The following ITGAV variants were observed in gnomAD, a reference collection of about 807,000 sequenced individuals.
The protein encoded by ITGAV is integrin alpha-V.
Under a neutral mutation model 143.8 loss-of-function variants are expected in ITGAV, and 76 were observed. That is an observed-to-expected ratio of 0.53 (90% CI 0.44 to 0.64). ITGAV has a LOEUF of 0.64. Ranked by LOEUF, ITGAV falls within the 30% of genes least tolerant of loss-of-function variation. ITGAV has a pLI of 0.00. For missense variants in ITGAV, 1,193 were observed against 1,274.7 expected (o/e 0.94, Z 0.98); for synonymous variants, 453 against 446.7 (o/e 1.01, Z -0.18).
At chr2:186,661,556 C>A (rs1688744912) in intron 18 of ITGAV, among the ~76,000 whole-genome samples, 1 of 150,158 alleles carries the variant, frequency 6.7e-6, no homozygotes, top group Admixed American at 6.6e-5. Context: ...TTTTTTCTCT[C>A]ATTTTTTTCA....
chr2:186,663,744 G>C, intron 18 of ITGAV, 24 bp from the exon 19 acceptor site: 1 of 1,583,700 alleles, frequency 6.3e-7, no homozygotes, highest in Non-Finnish European at 8.7e-7. Flanking sequence ...TTTTCATGTA[G>C]AAAAATAAAA....
intron 1 of ITGAV, among the ~76,000 whole-genome samples, chr2:186,594,035 A>G (rs1053959383): frequency 1.3e-5 from 2 of 152,132 alleles, no homozygotes; most frequent in Non-Finnish European, 2.9e-5. Flanking sequence ...ACAGTTGGCA[A>G]TGTGTAGATG....
chr2:186,601,866 A>G (rs894497322), intron 1 of ITGAV, among the ~76,000 whole-genome samples, 155 bp from the exon 2 acceptor site: 1 of 152,260 alleles, frequency 6.6e-6, no homozygotes, highest in African/African-American at 2.4e-5. Flanking sequence ...AGAGACTACC[A>G]AATGAATAAT....
intron 2 of ITGAV, among the ~76,000 whole-genome samples, chr2:186,613,396 C>A (rs1687270963): frequency 6.6e-6 from 1 of 152,092 alleles, no homozygotes; most frequent in Non-Finnish European, 1.5e-5. Context: ...CAATGAATAC[C>A]AATCCCAGTG....
intron 12 of ITGAV, among the ~76,000 whole-genome samples, chr2:186,644,153 A>G (rs1408882174): frequency 6.6e-6 from 1 of 152,010 alleles, no homozygotes; most frequent in East Asian, 1.9e-4. Context: ...CATGTTGCCA[A>G]AACTGGTCTC....
Position 186,669,750 on chromosome 2 carries a change from G to T in ITGAV, c.2642G>T (p.Gly881Val). The change falls in exon 26 of 30, where the codon GGT becomes GTT. Residue 881 changes from glycine (G) to valine (V), a missense_variant. Coordinates refer to ENST00000261023, the MANE Select transcript of ITGAV (RefSeq NM_002210.5). ...AAGAATGACACGGTTGCCGGGCAAG[G>T]TGAGCGGGACCATCTCATCACTAAG... ...TEKNDTVAGQ[G>V]ERDHLITKRD... 1 of 1,614,142 alleles carries T rather than the reference G, an allele frequency of 6.2e-7. No individual in the cohort carries two copies. The highest frequency in any genetic ancestry group is 8.5e-7 in the Non-Finnish European group (1 of 1,180,012).
At chr2:186,659,264 C>T (rs923311476) in intron 18 of ITGAV, 89 bp downstream of exon 18, 6 of 863,928 alleles carry the variant, frequency 6.9e-6, no homozygotes, top group Non-Finnish European at 9.7e-6. Flanking sequence ...TTTCCTTTAT[C>T]ATATTGATAG....
At chr2:186,596,290 A>C (rs566843063) in intron 1 of ITGAV, among the ~76,000 whole-genome samples, 2 of 152,214 alleles carry the variant, frequency 1.3e-5, no homozygotes, top group Non-Finnish European at 2.9e-5. Flanking sequence ...TGTTTCCATT[A>C]GATAGTGCTG....
chr2:186,665,108 T>C lies in ITGAV; in HGVS notation c.2074-18T>C. ...TCCTTTCATATCCATTTTTTTTTTT[T>C]TTTTTGGTCTATCAAAGGCCTTAGC... On this transcript the variant is annotated intron_variant, in intron 20 of 29. Coordinates refer to ENST00000261023, the MANE Select transcript of ITGAV (RefSeq NM_002210.5). The C allele has an allele frequency of 6.9e-7, 1 of 1,444,876 alleles. No homozygotes were observed. The highest frequency in any genetic ancestry group is 9.4e-7 in the Non-Finnish European group (1 of 1,059,348). The allele number at this position is 1,444,876 out of a possible 1,614,324, so 89.5% of individuals were successfully genotyped here.
At chr2:186,617,238 A>T (rs1182026346) in intron 2 of ITGAV, among the ~76,000 whole-genome samples, 1 of 152,176 alleles carries the variant, frequency 6.6e-6, no homozygotes, top group Admixed American at 6.5e-5. Flanking sequence ...GTTCCAAGGG[A>T]TATTCTTTTG....
At chr2:186,610,943 A>G (rs897356447) in intron 2 of ITGAV, among the ~76,000 whole-genome samples, 2 of 152,024 alleles carry the variant, frequency 1.3e-5, no homozygotes, top group Admixed American at 6.5e-5. Flanking sequence ...TCCTGTTGCT[A>G]TTGTCGTAAG....
chr2:186,641,602 T>G lies in ITGAV; in HGVS notation c.1159+14T>G, dbSNP rs1688105829. ...ATGGTTTCAATGGTAAGATCAAAGTTTAGCAGCTACAGGTCCCTGATTATC... is the reference window on the plus strand; with the variant it reads ...ATGGTTTCAATGGTAAGATCAAAGTGTAGCAGCTACAGGTCCCTGATTATC... On this transcript the variant is annotated intron_variant, in intron 12 of 29. Transcript: ENST00000261023. 9.3e-6 allele frequency: 15 copies of G among 1,609,496 alleles called. No homozygotes were observed. Among genetic ancestry groups the G allele is most frequent in the Admixed American group, 1.7e-5 (1 of 59,986 alleles).
chr2:186,606,283 G>A (rs929806268), intron 2 of ITGAV, among the ~76,000 whole-genome samples: 2 of 152,120 alleles, frequency 1.3e-5, no homozygotes, highest in Admixed American at 6.5e-5. Flanking sequence ...GCAGATATGT[G>A]GGGTTTCTGA....
chr2:186,616,638 C>T lies in ITGAV; in HGVS notation c.317-5701C>T, dbSNP rs191688372. On this transcript the variant is annotated intron_variant, in intron 2 of 29. Transcript: ENST00000261023. ...ATAAATGCATGATAACAGTAGTTGT[C>T]TGACCTCCAAATCATTTTCTCTCAA... 2.0e-3 allele frequency among the ~76,000 whole-genome samples: 309 copies of T among 152,278 alleles called. 1 individual carries two copies. Among genetic ancestry groups the T allele is most frequent in the Non-Finnish European group, 3.3e-3 (227 of 68,010 alleles).
intron 2 of ITGAV, among the ~76,000 whole-genome samples, chr2:186,612,266 A>G (rs1044832011): frequency 2.4e-4 from 37 of 151,746 alleles, no homozygotes; most frequent in African/African-American, 7.7e-4. Context: ...TTTTTTTTCC[A>G]CCCAAAAAGA....
chr2:186,654,550 A>G, intron 15 of ITGAV, 100 bp from the exon 16 acceptor site: 1 of 589,690 alleles, frequency 1.7e-6, no homozygotes, highest in Non-Finnish European at 3.0e-6. Context: ...GTAAGGCTTC[A>G]CAATACAAAC....
At chr2:186,658,282 G>C (rs1688644934) in intron 17 of ITGAV, among the ~76,000 whole-genome samples, 1 of 152,038 alleles carries the variant, frequency 6.6e-6, no homozygotes, top group South Asian at 2.1e-4. Flanking sequence ...TAAGAAGCAA[G>C]ACAAATACCC....
Position 186,668,781 on chromosome 2 carries a change from G to T in ITGAV, c.2453G>T (p.Ser818Ile). 1 of 1,613,404 alleles carries T rather than the reference G, an allele frequency of 6.2e-7. No homozygotes were observed. The highest frequency in any genetic ancestry group is 1.1e-5 in the South Asian group (1 of 90,794). ...HIYELRNNGP[S>I]SFSKAMLHLQ... ...CCTTAGCTGAGAAACAATGGTCCAA[G>T]TTCATTCAGCAAGGCAATGCTCCAT... The change falls in exon 25 of 30, where the codon AGT becomes ATT. Residue 818 changes from serine to isoleucine, a missense_variant. Physicochemically the swap from Ser to Ile is moderately radical, Grantham distance 142. Transcript: ENST00000261023.
At chr2:186,642,735 A>AC (rs1271839066) in intron 12 of ITGAV, among the ~76,000 whole-genome samples, 2 of 150,538 alleles carry the variant, frequency 1.3e-5, no homozygotes, top group Non-Finnish European at 3.0e-5. Context: ...TTCCCATGTT[A>AC]CCCAGGCTGG....
Sources: gnomAD v4.1 joint callset for allele counts (sites outside exome capture counted in the v4.1 genomes callset) on GRCh38, gnomAD v4.1.1 for gene constraint, MANE v1.5 for transcripts, NCBI Gene and HGNC (gene_info 2026-07-23, HGNC 2026-07-21) for gene names.